CRYZ: variants seen among roughly 807,000 people sequenced by gnomAD.
CRYZ encodes zeta-crystallin.
Under a neutral mutation model 34.1 loss-of-function variants are expected in CRYZ, and 35 were observed. The ratio of observed to expected loss-of-function variants is 1.03; its 90% CI spans 0.78 to 1.36. CRYZ has a LOEUF of 1.36. Among genes scored for constraint, CRYZ ranks in the 40% most tolerant of loss-of-function variants. The pLI is 0.00. For missense variants in CRYZ, 403 were observed against 391.8 expected, an observed-to-expected ratio of 1.03 and a Z score of -0.24; for synonymous variants, 137 against 136.5, an observed-to-expected ratio of 1.00 and a Z score of -0.03.
intron 4 of CRYZ, among the ~76,000 whole-genome samples, chr1:74,718,650 T>C (rs1187186218): frequency 6.6e-6 from 1 of 152,116 alleles, no homozygotes; most frequent in Non-Finnish European, 1.5e-5. Context: ...TCTCTCCTTC[T>C]AGTTACCCTT....
At chr1:74,731,055 A>G (rs1647697300) in intron 1 of CRYZ, among the ~76,000 whole-genome samples, 1 of 152,200 alleles carries the variant, frequency 6.6e-6, no homozygotes, top group Non-Finnish European at 1.5e-5. Context: ...TTTTTAATTA[A>G]ACTATACTTC....
intron 4 of CRYZ, among the ~76,000 whole-genome samples, chr1:74,717,855 T>C (rs936373622): frequency 2.6e-5 from 4 of 152,178 alleles, no homozygotes; most frequent in East Asian, 1.9e-4. Context: ...ACTACATTCT[T>C]AAATGGTGAT....
intron 5 of CRYZ, among the ~76,000 whole-genome samples, chr1:74,714,052 T>C (rs893355266): frequency 6.6e-6 from 1 of 151,888 alleles, no homozygotes; most frequent in African/African-American, 2.4e-5. Context: ...AGCCATGGGT[T>C]GTGGTGTTAA....
At chr1:74,727,527 G>A (rs1230382108) in intron 1 of CRYZ, among the ~76,000 whole-genome samples, 1 of 149,128 alleles carries the variant, frequency 6.7e-6, no homozygotes, top group East Asian at 2.0e-4. Context: ...AGCTACTCAG[G>A]AGGCTGAGGC....
rs1418489037 is a variant in CRYZ, at chr1:74,710,237, G to C, written c.491C>G (p.Ala164Gly). ...VHGASGGVGL[A>G]ACQIARAYGL... ...ATAAGCTCTAGCAATTTGGCATGCT[G>C]CTAATCCAACCTGAAAAACAAATAT... is the stretch of plus-strand genomic sequence containing the variant. The change falls in exon 6 of 9, where the codon GCA becomes GGA. Residue 164 changes from alanine (A) to glycine (G), a missense_variant. Physicochemically the swap from Ala to Gly is moderately conservative, Grantham distance 60 (BLOSUM62 0). Transcript: ENST00000340866. 1 of 1,613,510 alleles carries C rather than the reference G, an allele frequency of 6.2e-7. No homozygotes were observed. Among genetic ancestry groups the C allele is most frequent in the Non-Finnish European group, 8.5e-7 (1 of 1,179,758 alleles).
Position 74,719,379 on chromosome 1 carries a change from G to A in CRYZ, c.265-7C>T. 6.2e-7 allele frequency: 1 copy of A among 1,604,484 alleles called. No individual in the cohort carries two copies. Among genetic ancestry groups the A allele is most frequent in the Non-Finnish European group, 8.5e-7 (1 of 1,172,932 alleles). Reference sequence around the variant, plus strand: ...TGAAAACTCTGTCACCTTTCTAGGGGAAGAGATAAATGAATAAATGCAGGA... The same window carrying A: ...TGAAAACTCTGTCACCTTTCTAGGGAAAGAGATAAATGAATAAATGCAGGA... On this transcript the variant is annotated splice_region_variant and splice_polypyrimidine_tract_variant and intron_variant, in intron 3 of 8. Coordinates refer to ENST00000340866, the MANE Select transcript of CRYZ (RefSeq NM_001889.4).
At chr1:74,731,473 TTTA>T (rs1335719306) in intron 1 of CRYZ, among the ~76,000 whole-genome samples, 2 of 152,230 alleles carry the variant, frequency 1.3e-5, no homozygotes, top group African/African-American at 2.4e-5. Context: ...AAGCATATGG[TTTA>T]TTATTAACCC....
chr1:74,711,634 C>T (rs1047570706), intron 5 of CRYZ, among the ~76,000 whole-genome samples: 3 of 152,154 alleles, frequency 2.0e-5, no homozygotes, highest in Non-Finnish European at 4.4e-5. Flanking sequence ...GCCTGTAATC[C>T]CAGCTATGTG....
intron 3 of CRYZ, among the ~76,000 whole-genome samples, chr1:74,721,250 C>T (rs1282218810): frequency 6.6e-6 from 1 of 152,058 alleles, no homozygotes. Flanking sequence ...TTGTAAGTTT[C>T]AATTTAATTC....
At chr1:74,706,759 G>T in intron 8 of CRYZ, 140 bp downstream of exon 8, 1 of 715,822 alleles carries the variant, frequency 1.4e-6, no homozygotes, top group Non-Finnish European at 2.5e-6. Flanking sequence ...CACCCTAGTT[G>T]TCCTTCTGGT....
At chr1:74,724,608 A>G (rs1356777037) in intron 2 of CRYZ, 103 bp downstream of exon 2, 1 of 721,158 alleles carries the variant, frequency 1.4e-6, no homozygotes, top group Non-Finnish European at 2.3e-6. Flanking sequence ...ATCCTAATTC[A>G]ATGTTTTTAA....
At chr1:74,719,506 T>C (rs1182844756) in intron 3 of CRYZ, 134 bp from the exon 4 acceptor site, 7 of 800,444 alleles carry the variant, frequency 8.7e-6, no homozygotes, top group East Asian at 2.8e-5. Flanking sequence ...AATAATTTTT[T>C]TTTTTTTGAG....
intron 6 of CRYZ, chr1:74,708,305 GTTGTT>G (rs953693966): frequency 7.9e-5 from 12 of 152,248 alleles, no homozygotes; most frequent in Middle Eastern, 3.4e-3. Context: ...TTTTTTTGTA[GTTGTT>G]TTGTTTTGTT....
At chr1:74,713,587 C>T (rs1473572906) in intron 5 of CRYZ, among the ~76,000 whole-genome samples, 3 of 151,986 alleles carry the variant, frequency 2.0e-5, no homozygotes, top group African/African-American at 7.3e-5. Context: ...TGTGAAACCT[C>T]GTGATTCATC....
At chr1:74,707,852 C>G (rs1433992234) in intron 6 of CRYZ, 2 of 151,698 alleles carry the variant, frequency 1.3e-5, no homozygotes, top group African/African-American at 4.8e-5. Flanking sequence ...ATAGGGAGCT[C>G]AAAACAAAAC....
intron 3 of CRYZ, among the ~76,000 whole-genome samples, chr1:74,721,076 G>A (rs2100718047): frequency 6.6e-6 from 1 of 152,280 alleles, no homozygotes; most frequent in East Asian, 1.9e-4. Context: ...CATTACGGGT[G>A]AAGGAAACAA....
At chr1:74,706,661 T>C (rs1011754550) in intron 8 of CRYZ, among the ~76,000 whole-genome samples, 9 of 152,122 alleles carry the variant, frequency 5.9e-5, no homozygotes, top group African/African-American at 2.2e-4. Flanking sequence ...ACAGTGTTAG[T>C]GTACAAAATA....
chr1:74,732,500 G>C (rs1159337426), intron 1 of CRYZ, among the ~76,000 whole-genome samples: 2 of 152,042 alleles, frequency 1.3e-5, no homozygotes, highest in African/African-American at 2.4e-5. Context: ...CTGAGAGCTG[G>C]GCTGTGGGAA....
rs1311647937 is a variant in CRYZ at position 74,728,743 on chromosome 1, T to C, written c.-13-3909A>G. ...GTTCTTGATATAATTAATCAAAAGT[T>C]TGTGCCATTTTAAAACCCTTAAAAG... On this transcript the variant is annotated intron_variant, in intron 1 of 8. Coordinates refer to ENST00000340866, the MANE Select transcript of CRYZ (RefSeq NM_001889.4). Among the ~76,000 whole-genome samples the C allele has an allele frequency of 2.0e-5, 3 of 152,224 alleles. No individual in the cohort carries two copies. The East Asian group carries it at 5.8e-4, about 29-fold the overall frequency.
Sources: gnomAD v4.1 joint callset for allele counts (sites outside exome capture counted in the v4.1 genomes callset) on GRCh38, gnomAD v4.1.1 for gene constraint, MANE v1.5 for transcripts, NCBI Gene and HGNC (gene_info 2026-07-23, HGNC 2026-07-21) for gene names.